KIF6: variants seen among roughly 807,000 people sequenced by gnomAD.
The protein encoded by KIF6 is kinesin-like protein KIF6.
In KIF6, 106 loss-of-function variants were observed where a neutral mutation model predicts 112.7. The ratio of observed to expected loss-of-function variants is 0.94; its 90% confidence interval spans 0.80 to 1.11. KIF6 has a LOEUF of 1.11. Ranked by LOEUF, KIF6 falls within the 50% of genes least tolerant of loss-of-function variation. KIF6 has a pLI of 0.00. For synonymous variants in KIF6, 339 were observed against 339.9 expected (o/e 1.00, Z 0.03); for missense variants, 929 against 964.0 (o/e 0.96, Z 0.48).
intron 3 of KIF6, among the ~76,000 whole-genome samples, chr6:39,702,531 C>T (rs1250006804): frequency 6.6e-6 from 1 of 152,198 alleles, no homozygotes; most frequent in East Asian, 1.9e-4. Flanking sequence ...ATGTCTCTCA[C>T]ACAACTTAAT....
Position 39,654,209 on chromosome 6 carries a change from G to T in KIF6, c.252-14452C>A, listed in dbSNP as rs568833095. ...TACAGCAAGGAGGACAAGACACCAG[G>T]GTGGTGGGGGACAAACTGTTTCTTT... On this transcript the variant is annotated intron_variant, in intron 3 of 22. Coordinates refer to ENST00000287152, the MANE Select transcript of KIF6 (RefSeq NM_145027.6). 3.3e-5 allele frequency among the ~76,000 whole-genome samples: 5 copies of T among 152,244 alleles called. No homozygotes were observed. In the East Asian group the frequency reaches 7.7e-4, roughly 23 times the overall value.
At chr6:39,476,387 G>A (rs1774427351) in intron 13 of KIF6, among the ~76,000 whole-genome samples, 2 of 151,932 alleles carry the variant, frequency 1.3e-5, no homozygotes, top group African/African-American at 4.8e-5. Flanking sequence ...ATCCCACAAA[G>A]TTCATAAAAC....
chr6:39,410,597 A>G (rs1769408423), intron 15 of KIF6, among the ~76,000 whole-genome samples: 1 of 152,258 alleles, frequency 6.6e-6, no homozygotes, highest in Admixed American at 6.5e-5. Context: ...GCAATGGAGG[A>G]ACTCATAAAA....
At chr6:39,377,210 G>A (rs1212670826) in intron 16 of KIF6, among the ~76,000 whole-genome samples, 1 of 152,102 alleles carries the variant, frequency 6.6e-6, no homozygotes, top group Non-Finnish European at 1.5e-5. Flanking sequence ...TGCTGTACCT[G>A]GCTAATTTTT....
intron 17 of KIF6, among the ~76,000 whole-genome samples, chr6:39,361,417 G>A (rs772429338): frequency 6.6e-6 from 1 of 151,860 alleles, no homozygotes; most frequent in Non-Finnish European, 1.5e-5. Flanking sequence ...CAATTAGCTG[G>A]GTGTTGTGGT....
intron 13 of KIF6, among the ~76,000 whole-genome samples, chr6:39,439,881 G>C (rs1045071152): frequency 6.6e-6 from 1 of 152,098 alleles, no homozygotes; most frequent in Non-Finnish European, 1.5e-5. Flanking sequence ...CCTTTAGTCT[G>C]GGGTACATGG....
intron 13 of KIF6, among the ~76,000 whole-genome samples, chr6:39,515,112 G>A (rs1316271721): frequency 1.3e-5 from 2 of 152,178 alleles, no homozygotes; most frequent in African/African-American, 2.4e-5. Context: ...GGATCAGAAT[G>A]AGGTAAGGAA....
chr6:39,705,922 T>C (rs774351002), intron 3 of KIF6, among the ~76,000 whole-genome samples: 2 of 152,220 alleles, frequency 1.3e-5, no homozygotes, highest in Non-Finnish European at 2.9e-5. Context: ...TTACTTTCCC[T>C]GGAATCCTAG....
At chr6:39,372,295 G>C (rs1285800947) in intron 16 of KIF6, among the ~76,000 whole-genome samples, 1 of 152,024 alleles carries the variant, frequency 6.6e-6, no homozygotes, top group Non-Finnish European at 1.5e-5. Context: ...TAACCTTCAG[G>C]GCACTTCCCT....
At chr6:39,337,858 T>G (rs1419423849) in intron 22 of KIF6, among the ~76,000 whole-genome samples, 1 of 152,196 alleles carries the variant, frequency 6.6e-6, no homozygotes, top group Non-Finnish European at 1.5e-5. Context: ...GGGCCTAACA[T>G]TTCTCTTTGC....
chr6:39,536,305 G>A (rs993474347), intron 13 of KIF6, among the ~76,000 whole-genome samples: 5 of 151,828 alleles, frequency 3.3e-5, no homozygotes, highest in African/African-American at 1.2e-4. Flanking sequence ...CAACAAAATT[G>A]ATAGAACGCT....
At chr6:39,587,167 C>T (rs183620204) in intron 7 of KIF6, among the ~76,000 whole-genome samples, 3 of 152,122 alleles carry the variant, frequency 2.0e-5, no homozygotes, top group East Asian at 1.9e-4. Context: ...GGGGTTGTCC[C>T]GAAAGGAGGC....
intron 13 of KIF6, among the ~76,000 whole-genome samples, chr6:39,471,135 T>C (rs1035527670): frequency 6.6e-6 from 1 of 152,114 alleles, no homozygotes; most frequent in African/African-American, 2.4e-5. Context: ...AGGTTTTCAT[T>C]TCCTTCTCTC....
At chr6:39,445,679 G>A (rs1398326456) in intron 13 of KIF6, among the ~76,000 whole-genome samples, 4 of 152,246 alleles carry the variant, frequency 2.6e-5, no homozygotes, top group African/African-American at 9.6e-5. Flanking sequence ...CGGGTGGTCA[G>A]ATTGCAGAAG....
At chr6:39,501,306 A>G (rs995424973) in intron 13 of KIF6, among the ~76,000 whole-genome samples, 3 of 152,202 alleles carry the variant, frequency 2.0e-5, no homozygotes, top group Non-Finnish European at 2.9e-5. Context: ...ACAACAAATC[A>G]CAAAAACCCT....
At chr6:39,485,932 A>T (rs969994988) in intron 13 of KIF6, among the ~76,000 whole-genome samples, 7 of 152,208 alleles carry the variant, frequency 4.6e-5, no homozygotes, top group African/African-American at 1.7e-4. Context: ...TCCCCATTTC[A>T]TAGATGAGAA....
At chr6:39,365,925 C>A (rs549114093) in intron 16 of KIF6, among the ~76,000 whole-genome samples, 18 of 152,330 alleles carry the variant, frequency 1.2e-4, no homozygotes, top group African/African-American at 4.1e-4. Flanking sequence ...GTAGGGGGGA[C>A]GGCCAGGGCG....
intron 13 of KIF6, among the ~76,000 whole-genome samples, chr6:39,435,524 C>A (rs1015828989): frequency 1.3e-5 from 2 of 150,784 alleles, no homozygotes; most frequent in Non-Finnish European, 2.9e-5. Context: ...TCATCCCTCA[C>A]CCCCCAAACC....
intron 13 of KIF6, among the ~76,000 whole-genome samples, chr6:39,499,968 G>A (rs1776025861): frequency 6.6e-6 from 1 of 152,218 alleles, no homozygotes. Context: ...AAGGTGGGGA[G>A]TTGTAGCTGG....
Sources: gnomAD v4.1 joint callset for allele counts (sites outside exome capture counted in the v4.1 genomes callset) on GRCh38, gnomAD v4.1.1 for gene constraint, MANE v1.5 for transcripts, NCBI Gene and HGNC (gene_info 2026-07-23, HGNC 2026-07-21) for gene names.